The following SOX5 variants were observed in gnomAD, a reference collection of about 807,000 sequenced individuals.
SOX5 encodes the protein SRY-box transcription factor 5, also known as transcription factor SOX-5.
In SOX5, 9 loss-of-function variants were observed where a neutral mutation model predicts 92.0. That is an observed-to-expected ratio of 0.10 (90% confidence interval 0.06 to 0.17). The LOEUF is 0.17. SOX5 is among the 10% of genes least tolerant of loss of function. SOX5 has a pLI of 1.00. For missense variants in SOX5, 642 were observed against 944.5 expected, an observed-to-expected ratio of 0.68 and a Z score of 4.20; for synonymous variants, 344 against 336.3, an observed-to-expected ratio of 1.02 and a Z score of -0.25.
chr12:24,109,041 A>G (rs1427122022), intron 4 of SOX5, among the ~76,000 whole-genome samples: 1 of 152,172 alleles, frequency 6.6e-6, no homozygotes, highest in Non-Finnish European at 1.5e-5. Flanking sequence ...TCTGAATAGT[A>G]GCATATTTGA....
At chr12:23,962,756 G>A (rs1321505931) in intron 4 of SOX5, among the ~76,000 whole-genome samples, 2 of 152,028 alleles carry the variant, frequency 1.3e-5, no homozygotes, top group Admixed American at 1.3e-4. Context: ...TTTTCTTCTA[G>A]TATGAACGAT....
chr12:24,238,512 C>A, intron 3 of SOX5, among the ~76,000 whole-genome samples: 1 of 152,126 alleles, frequency 6.6e-6, no homozygotes, highest in Admixed American at 6.6e-5. Flanking sequence ...CCGCCAATGT[C>A]CAGCTTATTT....
chr12:23,667,507 T>G (rs553407604), intron 6 of SOX5, among the ~76,000 whole-genome samples: 1 of 152,106 alleles, frequency 6.6e-6, no homozygotes, highest in Non-Finnish European at 1.5e-5. Flanking sequence ...AAGAGTGACA[T>G]CGAAATTTAA....
intron 4 of SOX5, among the ~76,000 whole-genome samples, chr12:24,129,395 A>T (rs1949428972): frequency 1.3e-5 from 2 of 152,158 alleles, no homozygotes; most frequent in Non-Finnish European, 1.5e-5. Flanking sequence ...CCAGTGTGTT[A>T]TCCATTCCTT....
chr12:24,015,106 CTCTT>C (rs1466006360), intron 4 of SOX5, among the ~76,000 whole-genome samples: 2 of 152,040 alleles, frequency 1.3e-5, no homozygotes, highest in East Asian at 1.9e-4. Context: ...CTCTCTCTCT[CTCTT>C]TCTCTCTCTC....
At chr12:23,697,848 C>G (rs2090096555) in intron 6 of SOX5, among the ~76,000 whole-genome samples, 1 of 152,012 alleles carries the variant, frequency 6.6e-6, no homozygotes, top group Non-Finnish European at 1.5e-5. Flanking sequence ...ACTGTATCCA[C>G]CTGATAATTT....
intron 4 of SOX5, among the ~76,000 whole-genome samples, chr12:24,116,528 T>C (rs1035854561): frequency 6.6e-6 from 1 of 152,158 alleles, no homozygotes; most frequent in African/African-American, 2.4e-5. Context: ...CAGAATTCTA[T>C]CACTGACAAA....
At chr12:23,541,512 T>C (rs1190975672) in intron 13 of SOX5, among the ~76,000 whole-genome samples, 1 of 152,142 alleles carries the variant, frequency 6.6e-6, no homozygotes, top group Admixed American at 6.5e-5. Context: ...GAAGGTAGAA[T>C]ATAGTCACAA....
At chr12:23,863,245 C>A (rs1390483429) in intron 2 of SOX5, among the ~76,000 whole-genome samples, 2 of 152,108 alleles carry the variant, frequency 1.3e-5, no homozygotes, top group Non-Finnish European at 2.9e-5. Flanking sequence ...ATGTGTATTA[C>A]AATGCTCTTT....
intron 2 of SOX5, among the ~76,000 whole-genome samples, chr12:24,353,293 A>T (rs76793611): frequency 0.012 from 1,870 of 152,262 alleles, 39 homozygotes; most frequent in African/African-American, 0.037. Context: ...TTACTCGAAC[A>T]ACTGGGGAGT....
chr12:24,246,297 A>G (rs1159787283), intron 3 of SOX5, among the ~76,000 whole-genome samples: 2 of 150,386 alleles, frequency 1.3e-5, no homozygotes, highest in African/African-American at 2.4e-5. Flanking sequence ...TTTTTTTTTA[A>G]AAGATTGTTG....
At chr12:24,226,933 T>C (rs1962175137) in intron 3 of SOX5, among the ~76,000 whole-genome samples, 1 of 152,218 alleles carries the variant, frequency 6.6e-6, no homozygotes, top group Admixed American at 6.5e-5. Flanking sequence ...TTGGGGATAG[T>C]TCTCAGCAAA....
intron 4 of SOX5, among the ~76,000 whole-genome samples, chr12:24,191,017 G>T (rs923556123): frequency 6.6e-6 from 1 of 152,096 alleles, no homozygotes; most frequent in African/African-American, 2.4e-5. Flanking sequence ...TTTTTAAGAG[G>T]TGGGGTCTTG....
intron 3 of SOX5, among the ~76,000 whole-genome samples, chr12:23,770,683 T>G (rs187290235): frequency 1.3e-5 from 2 of 152,158 alleles, no homozygotes; most frequent in African/African-American, 4.8e-5. Flanking sequence ...GGAACTGTCA[T>G]CCCATCAGTA....
intron 1 of SOX5, among the ~76,000 whole-genome samples, chr12:24,401,565 C>A (rs114478455): frequency 6.6e-6 from 1 of 151,502 alleles, no homozygotes; most frequent in South Asian, 2.1e-4. Context: ...AAAAAATTAA[C>A]CTTGCATGGT....
At chr12:24,270,865 T>G (rs527957170) in intron 3 of SOX5, among the ~76,000 whole-genome samples, 107 of 152,380 alleles carry the variant, frequency 7.0e-4, no homozygotes, top group South Asian at 1.9e-3. Flanking sequence ...TTCTTCCATT[T>G]TCAATACTTC....
upstream of SOX5, among the ~76,000 whole-genome samples, chr12:23,950,408 G>A (rs752920023): frequency 1.3e-5 from 2 of 152,148 alleles, no homozygotes; most frequent in Non-Finnish European, 2.9e-5. Context: ...CGGTCTCACT[G>A]TTAGCTCGTG....
chr12:24,490,676 AT>A lies in SOX5; in HGVS notation c.-251+71652del, dbSNP rs943584478. ...AGGCTGTATTTGATACACACACCAT[AT>A]TTTTTTTAATGGTGTTGTGTGGGTG... On this transcript the variant is annotated intron_variant, in intron 1 of 4. Transcript: ENST00000446891. Among the ~76,000 whole-genome samples the A allele has an allele frequency of 5.3e-5, 8 of 151,838 alleles. No homozygotes were observed. In the South Asian group the frequency reaches 1.3e-3, roughly 24 times the overall value.
chr12:24,024,169 T>G (rs1954623295), intron 4 of SOX5, among the ~76,000 whole-genome samples: 1 of 152,062 alleles, frequency 6.6e-6, no homozygotes, highest in Non-Finnish European at 1.5e-5. Flanking sequence ...AGTAAATTAT[T>G]GCCTCAGTAT....
Sources: gnomAD v4.1 joint callset for allele counts (sites outside exome capture counted in the v4.1 genomes callset) on GRCh38, gnomAD v4.1.1 for gene constraint, MANE v1.5 for transcripts, NCBI Gene and HGNC (gene_info 2026-07-23, HGNC 2026-07-21) for gene names.